CRADD: variants seen among roughly 807,000 people sequenced by gnomAD.
CRADD encodes the protein CARD and death domain containing adaptor protein.
CRADD carries 9 observed loss-of-function variants against 15.5 expected under a neutral mutation model. The observed-to-expected ratio is 0.58, with a 90% confidence interval of 0.35 to 1.01. The LOEUF (loss-of-function observed/expected upper bound fraction) is 1.01, where lower values mean the gene tolerates loss of function less well. Among genes scored for constraint, CRADD ranks in the 50% least tolerant of loss-of-function variants. The pLI, the probability that CRADD is intolerant of heterozygous loss-of-function variation, is 0.02. For synonymous variants in CRADD, 118 were observed against 107.6 expected, an observed-to-expected ratio of 1.10 and a Z score of -0.60; for missense variants, 227 against 250.3, an observed-to-expected ratio of 0.91 and a Z score of 0.63.
At chr12:93,767,341 G>C (rs916252665) in intron 2 of CRADD, among the ~76,000 whole-genome samples, 1 of 152,164 alleles carries the variant, frequency 6.6e-6, no homozygotes, top group East Asian at 1.9e-4. Context: ...GGTTGGCCTC[G>C]TTTCTCTCAG....
chr12:93,821,908 A>C (rs1432506642), intron 2 of CRADD, among the ~76,000 whole-genome samples: 1 of 152,034 alleles, frequency 6.6e-6, no homozygotes, highest in African/African-American at 2.4e-5. Context: ...ATTTGAGGCC[A>C]AGAGTTCGAG....
At chr12:93,801,358 T>C (rs1175312277) in intron 2 of CRADD, among the ~76,000 whole-genome samples, 1 of 152,318 alleles carries the variant, frequency 6.6e-6, no homozygotes, top group East Asian at 1.9e-4. Context: ...CTTAACTATT[T>C]GATTGGCCTT....
chr12:93,756,486 C>T (rs1956891527), intron 2 of CRADD, among the ~76,000 whole-genome samples: 1 of 152,156 alleles, frequency 6.6e-6, no homozygotes, highest in Admixed American at 6.5e-5. Flanking sequence ...AGGGACCTGC[C>T]ACAAAGAGAG....
At chr12:93,694,222 A>G (rs996438429) in intron 2 of CRADD, among the ~76,000 whole-genome samples, 3 of 152,168 alleles carry the variant, frequency 2.0e-5, no homozygotes, top group African/African-American at 7.2e-5. Flanking sequence ...CAAAAACTAT[A>G]TGATCATCTC....
chr12:93,726,828 G>A (rs956750365), intron 2 of CRADD, among the ~76,000 whole-genome samples: 2 of 152,118 alleles, frequency 1.3e-5, no homozygotes, highest in Non-Finnish European at 2.9e-5. Context: ...CACTCTAACA[G>A]AAGGGAATAG....
intron 2 of CRADD, among the ~76,000 whole-genome samples, chr12:93,792,569 C>T (rs1180781228): frequency 6.6e-6 from 1 of 152,114 alleles, no homozygotes; most frequent in African/African-American, 2.4e-5. Context: ...CTCTCAGAAC[C>T]CTGGTGTCAT....
intron 2 of CRADD, among the ~76,000 whole-genome samples, chr12:93,679,817 A>G (rs1955241693): frequency 6.6e-6 from 1 of 152,168 alleles, no homozygotes; most frequent in Non-Finnish European, 1.5e-5. Flanking sequence ...AAAAGGTCAG[A>G]TTCATGGAGG....
chr12:93,826,488 T>C (rs1957825726), intron 2 of CRADD, among the ~76,000 whole-genome samples: 1 of 152,238 alleles, frequency 6.6e-6, no homozygotes, highest in Non-Finnish European at 1.5e-5. Context: ...ATAGTTGTTT[T>C]AAACGTTTAA....
chr12:93,738,458 T>G lies in CRADD; in HGVS notation c.298+59386T>G, dbSNP rs1393676502. 8.5e-6 allele frequency: 6 copies of G among 702,266 alleles called. No homozygotes were observed. In the East Asian group the frequency reaches 1.3e-4, roughly 16 times the overall value. 43.5% of individuals were successfully genotyped at this position (702,266 alleles called of 1,614,324 possible). A position where few individuals can be genotyped will look rare whatever the true frequency, so the allele number is the denominator to read the frequency against. ...AGCCTGCCCACTCTGTTATGAAGTCTACCCAGAAGAGCTGGCAGAGTAGGC... is the reference window on the plus strand; with the variant it reads ...AGCCTGCCCACTCTGTTATGAAGTCGACCCAGAAGAGCTGGCAGAGTAGGC... On this transcript the variant is annotated intron_variant, in intron 2 of 2. Coordinates refer to ENST00000332896, the MANE Select transcript of CRADD (RefSeq NM_003805.5).
chr12:93,789,356 A>G (rs1351456749), intron 2 of CRADD, among the ~76,000 whole-genome samples: 1 of 152,162 alleles, frequency 6.6e-6, no homozygotes, highest in Non-Finnish European at 1.5e-5. Flanking sequence ...GCCTTGACAT[A>G]GCCAACTCTG....
At chr12:93,874,910 C>T (rs1187579480) in intron 2 of CRADD, among the ~76,000 whole-genome samples, 1 of 151,958 alleles carries the variant, frequency 6.6e-6, no homozygotes, top group Non-Finnish European at 1.5e-5. Context: ...TTGGATGAAA[C>T]GTTCTGTAAA....
At chr12:93,743,174 G>T (rs189792744) in intron 2 of CRADD, among the ~76,000 whole-genome samples, 3 of 152,256 alleles carry the variant, frequency 2.0e-5, no homozygotes, top group Non-Finnish European at 4.4e-5. Flanking sequence ...AGTATTCCCT[G>T]TGTTACTAAG....
intron 2 of CRADD, among the ~76,000 whole-genome samples, chr12:93,688,681 T>C (rs1955494614): frequency 6.6e-6 from 1 of 152,210 alleles, no homozygotes; most frequent in African/African-American, 2.4e-5. Context: ...ATTACCCTTT[T>C]GAACAGATGC....
chr12:93,707,758 C>T (rs993794782), intron 2 of CRADD: 8 of 152,168 alleles, frequency 5.3e-5, no homozygotes, highest in Non-Finnish European at 1.2e-4. Context: ...TTGAGGCCAT[C>T]ATTAATGGCT....
At chr12:93,740,663 C>T (rs1956652151) in intron 2 of CRADD, among the ~76,000 whole-genome samples, 1 of 152,162 alleles carries the variant, frequency 6.6e-6, no homozygotes, top group Admixed American at 6.5e-5. Context: ...CACACTTGAT[C>T]ATTCAGAATC....
intron 2 of CRADD, among the ~76,000 whole-genome samples, chr12:93,684,713 G>C (rs1955393623): frequency 6.6e-6 from 1 of 152,196 alleles, no homozygotes; most frequent in African/African-American, 2.4e-5. Context: ...ATGTGTGGTG[G>C]TGGGGGTGGT....
At position 93,695,332 on chromosome 12, in the gene CRADD, A is replaced by G. The variant is rs1955677610; in HGVS notation, c.298+16260A>G. 2.0e-5 allele frequency among the ~76,000 whole-genome samples: 3 copies of G among 152,234 alleles called. No homozygotes were observed. In the South Asian group the frequency reaches 6.2e-4, roughly 31 times the overall value. On this transcript the variant is annotated intron_variant, in intron 2 of 2. Transcript: ENST00000332896. ...CTCAAAATGGATTAAAGACTTAAAC[A>G]TAAGACCAAAATTATGAAACTACTA...
chr12:93,766,491 C>G (rs910348316), intron 2 of CRADD, among the ~76,000 whole-genome samples: 2 of 152,114 alleles, frequency 1.3e-5, no homozygotes, highest in African/African-American at 4.8e-5. Context: ...TGGAGTTGCC[C>G]TTTGAGCTGT....
At chr12:93,821,410 G>A (rs1354094162) in intron 2 of CRADD, among the ~76,000 whole-genome samples, 1 of 152,208 alleles carries the variant, frequency 6.6e-6, no homozygotes, top group Non-Finnish European at 1.5e-5. Context: ...TCTAGGTCAT[G>A]TACTGGATCA....
Sources: allele counts gnomAD v4.1 joint callset (sites outside exome capture counted in the v4.1 genomes callset), GRCh38; gene constraint gnomAD v4.1.1; transcripts MANE v1.5; gene names NCBI Gene and HGNC (gene_info 2026-07-23, HGNC 2026-07-21).